The following SLC24A2 variants were observed in gnomAD, a reference collection of about 807,000 sequenced individuals.
SLC24A2 encodes the protein solute carrier family 24 member 2.
A neutral mutation model predicts 62.0 loss-of-function variants in SLC24A2; 36 were observed. That is an observed-to-expected ratio of 0.58 (90% CI 0.44 to 0.77). The LOEUF is 0.77. SLC24A2 is among the 30% of genes least tolerant of loss of function. The pLI is 0.00. For synonymous variants in SLC24A2, 358 were observed against 294.0 expected (o/e 1.22, Z -2.23); for missense variants, 846 against 817.9 (o/e 1.03, Z -0.42).
the SLC24A2 span, among the ~76,000 whole-genome samples, chr9:19,913,754 G>T: frequency 6.6e-6 from 1 of 152,158 alleles, no homozygotes; most frequent in African/African-American, 2.4e-5. Context: ...TGTTGAATAA[G>T]GAAACCATGG....
chr9:19,609,455 T>C (rs1837083386), intron 4 of SLC24A2, among the ~76,000 whole-genome samples: 1 of 152,250 alleles, frequency 6.6e-6, no homozygotes, highest in South Asian at 2.1e-4. Flanking sequence ...CTCTTGATGA[T>C]GCTTTTTTGT....
the SLC24A2 span, among the ~76,000 whole-genome samples, chr9:19,923,971 T>G: frequency 3.3e-5 from 5 of 152,156 alleles, no homozygotes; most frequent in African/African-American, 4.8e-5. Flanking sequence ...ACTCCTTACT[T>G]CAGGTGGTAC....
At chr9:19,915,085 T>C in the SLC24A2 span, among the ~76,000 whole-genome samples, 2 of 152,134 alleles carry the variant, frequency 1.3e-5, no homozygotes, top group African/African-American at 4.8e-5. Flanking sequence ...AAAGAAACCC[T>C]ATACCTCCCA....
chr9:20,139,370 A>G, the SLC24A2 span, among the ~76,000 whole-genome samples: 18 of 152,302 alleles, frequency 1.2e-4, no homozygotes, highest in African/African-American at 4.3e-4. Context: ...GATGGCAGCA[A>G]TATATACCTA....
chr9:19,895,744 G>C, the SLC24A2 span: 1 of 1,468,846 alleles, frequency 6.8e-7, no homozygotes, highest in East Asian at 2.5e-5. Context: ...GGAGTCAAGG[G>C]GCTGGGCGGC....
At chr9:19,867,704 T>C in the SLC24A2 span, among the ~76,000 whole-genome samples, 1 of 152,136 alleles carries the variant, frequency 6.6e-6, no homozygotes, top group African/African-American at 2.4e-5. Flanking sequence ...GGTCAAAAGA[T>C]CCAGACCATC....
At position 19,528,003 on chromosome 9, in the gene SLC24A2, G is replaced by C. The variant is rs144330912; in HGVS notation, c.1569+46C>G. ...CAATGATTAAACACTTGACAATCAG[G>C]ACTGGAGAAAAACAAGGCAGAGGCA... On this transcript the variant is annotated intron_variant, in intron 9 of 10. Coordinates refer to ENST00000341998, the MANE Select transcript of SLC24A2 (RefSeq NM_020344.4). The C allele has an allele frequency of 3.9e-4, 450 of 1,154,962 alleles. 4 individuals carry two copies. The African/African-American group carries it at 6.0e-3, about 15-fold the overall frequency. 71.5% of individuals were successfully genotyped at this position (1,154,962 alleles called of 1,614,324 possible). A position where few individuals can be genotyped will look rare whatever the true frequency, so the allele number is the denominator to read the frequency against.
chr9:19,561,135 G>A (rs918154668), intron 7 of SLC24A2, among the ~76,000 whole-genome samples: 1 of 151,186 alleles, frequency 6.6e-6, no homozygotes, highest in African/African-American at 2.4e-5. Context: ...TTACCATGTT[G>A]GCCAGGCTGG....
the SLC24A2 span, among the ~76,000 whole-genome samples, chr9:20,245,802 T>C: frequency 1.3e-5 from 2 of 152,136 alleles, no homozygotes; most frequent in Non-Finnish European, 1.5e-5. Flanking sequence ...TAGGAGATAA[T>C]AGTAGCTAAC....
the SLC24A2 span, among the ~76,000 whole-genome samples, chr9:20,158,095 T>C: frequency 5.3e-5 from 8 of 151,480 alleles, no homozygotes; most frequent in South Asian, 2.1e-4. Context: ...TTTTAATACA[T>C]AGAATCAAAA....
chr9:20,303,558 C>A, the SLC24A2 span, among the ~76,000 whole-genome samples: 1 of 152,144 alleles, frequency 6.6e-6, no homozygotes, highest in East Asian at 1.9e-4. Context: ...GCCCCCAGCC[C>A]ATACAGCCAG....
chr9:20,265,341 C>T, the SLC24A2 span, among the ~76,000 whole-genome samples: 2 of 152,080 alleles, frequency 1.3e-5, no homozygotes, highest in Non-Finnish European at 2.9e-5. Flanking sequence ...GTCAGGGACC[C>T]CAAACGGAGG....
At chr9:19,601,375 C>G (rs985167482) in intron 4 of SLC24A2, among the ~76,000 whole-genome samples, 1 of 152,176 alleles carries the variant, frequency 6.6e-6, no homozygotes, top group Non-Finnish European at 1.5e-5. Flanking sequence ...GCTGACCACC[C>G]CAGCCAGCAG....
chr9:19,880,821 A>G, the SLC24A2 span, among the ~76,000 whole-genome samples: 5 of 152,150 alleles, frequency 3.3e-5, no homozygotes, highest in African/African-American at 1.2e-4. Context: ...AAGATTTTCA[A>G]TGTACAAATC....
At chr9:20,026,114 T>C in the SLC24A2 span, among the ~76,000 whole-genome samples, 530 of 152,324 alleles carry the variant, frequency 3.5e-3, 3 homozygotes, top group African/African-American at 0.012. Flanking sequence ...GGATGGGGAT[T>C]CTTTAAGATC....
At chr9:19,881,666 C>T in the SLC24A2 span, among the ~76,000 whole-genome samples, 51 of 152,276 alleles carry the variant, frequency 3.3e-4, no homozygotes, top group Non-Finnish European at 6.6e-4. Flanking sequence ...GAATGTTAGG[C>T]AACATTGCCA....
chr9:19,569,478 T>C (rs575124894), intron 7 of SLC24A2, among the ~76,000 whole-genome samples: 1 of 152,338 alleles, frequency 6.6e-6, no homozygotes, highest in Non-Finnish European at 1.5e-5. Context: ...AAGTCCAGAC[T>C]GGTTGGCAGT....
the SLC24A2 span, among the ~76,000 whole-genome samples, chr9:20,258,242 G>C: frequency 6.6e-6 from 1 of 152,166 alleles, no homozygotes; most frequent in Non-Finnish European, 1.5e-5. Flanking sequence ...CCAGATTAAG[G>C]GATACCCAGA....
At chr9:20,107,077 G>A in the SLC24A2 span, among the ~76,000 whole-genome samples, 718 of 151,594 alleles carry the variant, frequency 4.7e-3, 6 homozygotes, top group African/African-American at 0.016. Flanking sequence ...AGAGCCATGA[G>A]TGAATTCCCA....
Sources: allele counts gnomAD v4.1 joint callset (sites outside exome capture counted in the v4.1 genomes callset), GRCh38; gene constraint gnomAD v4.1.1; transcripts MANE v1.5; gene names NCBI Gene and HGNC (gene_info 2026-07-23, HGNC 2026-07-21).